MYO1D: variants seen among roughly 807,000 people sequenced by gnomAD.
MYO1D encodes unconventional myosin-Id.
MYO1D carries 83 observed loss-of-function variants against 122.0 expected under a neutral mutation model. The observed-to-expected ratio is 0.68, with a 90% CI of 0.57 to 0.82. The LOEUF (loss-of-function observed/expected upper bound fraction) is 0.82. Ranked by LOEUF, MYO1D falls within the 40% of genes least tolerant of loss-of-function variation. MYO1D has a pLI of 0.00. For missense variants in MYO1D, 1,157 were observed against 1,269.5 expected (o/e 0.91, Z 1.35); for synonymous variants, 464 against 446.9 (o/e 1.04, Z -0.48).
At chr17:32,571,711 C>T (rs1004864096) in intron 21 of MYO1D, among the ~76,000 whole-genome samples, 1 of 152,148 alleles carries the variant, frequency 6.6e-6, no homozygotes, top group Non-Finnish European at 1.5e-5. Flanking sequence ...CTCTCTCTCC[C>T]CTGTTCAATT....
chr17:32,594,505 G>A, intron 21 of MYO1D: 1 of 571,668 alleles, frequency 1.7e-6, no homozygotes, highest in Non-Finnish European at 3.2e-6. Context: ...ATGTAATCTT[G>A]GGCCTGTTTA....
At chr17:32,521,214 C>T (rs966774331) in intron 21 of MYO1D, among the ~76,000 whole-genome samples, 18 of 152,166 alleles carry the variant, frequency 1.2e-4, no homozygotes, top group African/African-American at 4.3e-4. Context: ...AGATGGCCTG[C>T]CTCCCTCCGC....
chr17:32,828,539 A>T (rs1317173099), intron 1 of MYO1D, among the ~76,000 whole-genome samples: 4 of 142,394 alleles, frequency 2.8e-5, no homozygotes, highest in African/African-American at 7.7e-5. Flanking sequence ...AAAAAAAAAA[A>T]GAAAGAAGAC....
intron 16 of MYO1D, among the ~76,000 whole-genome samples, chr17:32,690,450 C>T (rs2089081598): frequency 1.3e-5 from 2 of 152,180 alleles, no homozygotes; most frequent in South Asian, 2.1e-4. Flanking sequence ...ACTGGGATTA[C>T]AGGTGTGAGC....
chr17:32,796,606 T>G (rs1364669508), intron 1 of MYO1D, among the ~76,000 whole-genome samples: 1 of 151,928 alleles, frequency 6.6e-6, no homozygotes, highest in African/African-American at 2.4e-5. Context: ...AGAGACGGGG[T>G]TTTTGCCATG....
chr17:32,779,094 A>G (rs1224913414), intron 2 of MYO1D, among the ~76,000 whole-genome samples: 5 of 152,166 alleles, frequency 3.3e-5, no homozygotes, highest in African/African-American at 1.2e-4. Flanking sequence ...AAAGCATGAC[A>G]ATTGGGATAA....
intron 21 of MYO1D, among the ~76,000 whole-genome samples, chr17:32,573,875 G>A (rs772100375): frequency 7.9e-5 from 12 of 151,116 alleles, no homozygotes; most frequent in Non-Finnish European, 1.8e-4. Flanking sequence ...TTTTTGAGAC[G>A]GAGTCTCGCT....
chr17:32,577,454 G>T (rs1597907653), intron 21 of MYO1D, among the ~76,000 whole-genome samples: 1 of 152,046 alleles, frequency 6.6e-6, no homozygotes, highest in African/African-American at 2.4e-5. Context: ...TTAGAACAGA[G>T]ATAATATATA....
chr17:32,826,202 T>C (rs890789524), intron 1 of MYO1D, among the ~76,000 whole-genome samples: 11 of 152,278 alleles, frequency 7.2e-5, no homozygotes, highest in Admixed American at 5.9e-4. Context: ...TTGCCCCATC[T>C]CATTTACTCT....
chr17:32,573,865 T>G (rs183617000), intron 21 of MYO1D, among the ~76,000 whole-genome samples: 2 of 151,678 alleles, frequency 1.3e-5, no homozygotes, highest in Non-Finnish European at 2.9e-5. Context: ...TTATTATTAT[T>G]TTTTGAGACG....
chr17:32,511,605 CTT>C (rs5819985), intron 21 of MYO1D, among the ~76,000 whole-genome samples: 4 of 143,584 alleles, frequency 2.8e-5, no homozygotes, highest in Non-Finnish European at 3.1e-5. Flanking sequence ...CTGTATTGAA[CTT>C]TTTTTTTTTT....
At chr17:32,794,418 G>A (rs561828792) in intron 1 of MYO1D, 1 of 152,134 alleles carries the variant, frequency 6.6e-6, no homozygotes, top group Admixed American at 6.5e-5. Flanking sequence ...GGTGATGCTT[G>A]CTTTTTCAAA....
At chr17:32,622,318 G>A (rs146642691) in intron 20 of MYO1D, among the ~76,000 whole-genome samples, 9 of 152,150 alleles carry the variant, frequency 5.9e-5, no homozygotes, top group African/African-American at 1.9e-4. Flanking sequence ...CCTGTCACCA[G>A]TCTTGACCTC....
intron 15 of MYO1D, among the ~76,000 whole-genome samples, chr17:32,714,000 T>G (rs973595762): frequency 6.6e-6 from 1 of 152,102 alleles, no homozygotes; most frequent in African/African-American, 2.4e-5. Flanking sequence ...TCTAGTCTGC[T>G]TTGTGCCTTA....
At chr17:32,867,949 C>T (rs969487666) in intron 1 of MYO1D, among the ~76,000 whole-genome samples, 3 of 149,518 alleles carry the variant, frequency 2.0e-5, no homozygotes, top group African/African-American at 7.4e-5. Flanking sequence ...GACTTAAAGT[C>T]TATTACCTAG....
intron 3 of MYO1D, among the ~76,000 whole-genome samples, chr17:32,777,628 A>G (rs2090188089): frequency 6.6e-6 from 1 of 152,172 alleles, no homozygotes; most frequent in Admixed American, 6.5e-5. Flanking sequence ...ATAGCACAGT[A>G]TGGCATGAAA....
At chr17:32,638,211 A>T (rs1459403178) in intron 20 of MYO1D, among the ~76,000 whole-genome samples, 1 of 152,246 alleles carries the variant, frequency 6.6e-6, no homozygotes, top group Non-Finnish European at 1.5e-5. Flanking sequence ...CAAATAAAAA[A>T]TGATAACGGA....
chr17:32,635,043 C>T (rs922844056), intron 20 of MYO1D, among the ~76,000 whole-genome samples: 8 of 152,134 alleles, frequency 5.3e-5, no homozygotes, highest in African/African-American at 7.2e-5. Flanking sequence ...TGCAAGCATT[C>T]GGCATGAACA....
chr17:32,625,066 C>T (rs964103009), intron 20 of MYO1D, among the ~76,000 whole-genome samples: 2 of 152,218 alleles, frequency 1.3e-5, no homozygotes, highest in African/African-American at 4.8e-5. Flanking sequence ...GTTGGGATTA[C>T]AGGCGTGAGC....
Sources: gnomAD v4.1 joint callset for allele counts (sites outside exome capture counted in the v4.1 genomes callset) on GRCh38, gnomAD v4.1.1 for gene constraint, MANE v1.5 for transcripts, NCBI Gene and HGNC (gene_info 2026-07-23, HGNC 2026-07-21) for gene names.